CTNND2: variants seen among roughly 807,000 people sequenced by gnomAD.
The protein encoded by CTNND2 is catenin delta-2.
In CTNND2, 22 loss-of-function variants were observed where a neutral mutation model predicts 144.4. That is an observed-to-expected ratio of 0.15 (90% CI 0.11 to 0.22). CTNND2 has a LOEUF of 0.22. Ranked by LOEUF, CTNND2 falls within the 10% of genes least tolerant of loss-of-function variation. CTNND2 has a pLI of 1.00. For missense variants in CTNND2, 1,353 were observed against 1,618.8 expected (o/e 0.84, Z 2.82); for synonymous variants, 751 against 695.6 (o/e 1.08, Z -1.25).
intron 8 of CTNND2, among the ~76,000 whole-genome samples, chr5:11,360,751 G>A (rs781229753): frequency 1.1e-4 from 17 of 152,098 alleles, no homozygotes; most frequent in African/African-American, 3.6e-4. Context: ...TTCCAATACC[G>A]GTTAATTTTT....
At chr5:11,828,140 A>G (rs1793695571) in intron 1 of CTNND2, among the ~76,000 whole-genome samples, 1 of 152,160 alleles carries the variant, frequency 6.6e-6, no homozygotes, top group South Asian at 2.1e-4. Context: ...TTGTGGGAGG[A>G]ACCCAGTGGG....
At chr5:11,888,353 T>C (rs896995477) in intron 1 of CTNND2, among the ~76,000 whole-genome samples, 3 of 152,316 alleles carry the variant, frequency 2.0e-5, no homozygotes, top group Admixed American at 6.5e-5. Context: ...AGAGAGTGAC[T>C]GCGTGCACCC....
At chr5:11,508,165 A>G (rs1428336260) in intron 3 of CTNND2, among the ~76,000 whole-genome samples, 1 of 152,232 alleles carries the variant, frequency 6.6e-6, no homozygotes, top group African/African-American at 2.4e-5. Flanking sequence ...GAAACAATTC[A>G]GCTACTGTAA....
chr5:11,796,385 T>G (rs1368460157), intron 1 of CTNND2, among the ~76,000 whole-genome samples: 1 of 152,246 alleles, frequency 6.6e-6, no homozygotes, highest in African/African-American at 2.4e-5. Flanking sequence ...ACTTTTGCAC[T>G]ATTCTCTTCT....
chr5:11,367,496 C>G (rs1479856856), intron 7 of CTNND2, among the ~76,000 whole-genome samples: 2 of 152,156 alleles, frequency 1.3e-5, no homozygotes, highest in Non-Finnish European at 2.9e-5. Context: ...TTTGCTGATT[C>G]AAATTAAATG....
At chr5:11,005,321 C>T (rs1441714567) in intron 18 of CTNND2, among the ~76,000 whole-genome samples, 1 of 152,172 alleles carries the variant, frequency 6.6e-6, no homozygotes, top group Non-Finnish European at 1.5e-5. Flanking sequence ...GGGAGGTGAG[C>T]AGGACTTTGT....
At chr5:11,722,713 T>A (rs961177885) in intron 2 of CTNND2, among the ~76,000 whole-genome samples, 10 of 152,144 alleles carry the variant, frequency 6.6e-5, no homozygotes, top group African/African-American at 2.4e-4. Flanking sequence ...TTGTGAGAAC[T>A]CACTCACTAT....
chr5:11,857,783 C>T lies in CTNND2; in HGVS notation c.37+46034G>A, dbSNP rs187238425. Among the ~76,000 whole-genome samples, 3 of 152,280 alleles carry T rather than the reference C, an allele frequency of 2.0e-5. No homozygotes were observed. In the East Asian group the frequency reaches 5.8e-4, roughly 29 times the overall value. ...ATAAGGGAAATGATGCCTCTCTGCT[C>T]TACAATGTGTTTTGTGATCGTGCAT... On this transcript the variant is annotated intron_variant, in intron 1 of 21. Transcript: ENST00000304623.
intron 3 of CTNND2, among the ~76,000 whole-genome samples, chr5:11,446,474 A>G (rs1490471484): frequency 6.6e-6 from 1 of 152,222 alleles, no homozygotes; most frequent in East Asian, 1.9e-4. Context: ...TCTAAGAGCC[A>G]GCCTATGATT....
At chr5:10,990,198 G>C (rs1464767172) in intron 19 of CTNND2, among the ~76,000 whole-genome samples, 1 of 152,210 alleles carries the variant, frequency 6.6e-6, no homozygotes, top group Non-Finnish European at 1.5e-5. Context: ...CCCAGGCTCT[G>C]CTGTGAGGGA....
rs376417707 is a variant in CTNND2 at position 11,703,285 on chromosome 5, T to C, written c.174+28851A>G. Among the ~76,000 whole-genome samples the C allele has an allele frequency of 5.1e-4, 77 of 152,356 alleles. 1 individual carries two copies. In the South Asian group the frequency reaches 0.015, roughly 29 times the overall value. On this transcript the variant is annotated intron_variant, in intron 2 of 21. Transcript: ENST00000304623. ...GAAACATACATCCAGTTTACAGATA[T>C]ATGTTTATATATGCTATCAGGAGAT...
intron 21 of CTNND2, among the ~76,000 whole-genome samples, chr5:10,981,148 G>A (rs1227107902): frequency 1.3e-5 from 2 of 152,180 alleles, no homozygotes; most frequent in Non-Finnish European, 2.9e-5. Flanking sequence ...CTGTGCTGCA[G>A]AAAATCTTGG....
chr5:11,839,634 CT>C (rs1482438966), intron 1 of CTNND2, among the ~76,000 whole-genome samples: 1 of 152,022 alleles, frequency 6.6e-6, no homozygotes, highest in Non-Finnish European at 1.5e-5. Context: ...AGAGGGACAC[CT>C]TGGGCGCCTC....
intron 3 of CTNND2, among the ~76,000 whole-genome samples, chr5:11,469,660 T>C (rs562664044): frequency 6.6e-6 from 1 of 152,324 alleles, no homozygotes; most frequent in East Asian, 1.9e-4. Flanking sequence ...CTCAGAAAAT[T>C]CTCCACCCTT....
At chr5:11,124,683 C>T (rs1253445969) in intron 12 of CTNND2, among the ~76,000 whole-genome samples, 2 of 152,114 alleles carry the variant, frequency 1.3e-5, no homozygotes, top group African/African-American at 2.4e-5. Context: ...CATACAGAAA[C>T]GGGTCACTGG....
intron 1 of CTNND2, among the ~76,000 whole-genome samples, chr5:11,831,442 G>A (rs1014338425): frequency 6.6e-6 from 1 of 152,070 alleles, no homozygotes; most frequent in African/African-American, 2.4e-5. Flanking sequence ...GCTGAGCCGG[G>A]TAGATCACGA....
chr5:11,201,507 C>T (rs956610878), intron 10 of CTNND2, among the ~76,000 whole-genome samples: 8 of 152,238 alleles, frequency 5.3e-5, no homozygotes, highest in African/African-American at 1.4e-4. Flanking sequence ...TTCATTCATA[C>T]AGGGTGGCCT....
intron 9 of CTNND2, among the ~76,000 whole-genome samples, chr5:11,257,064 A>G (rs1033887885): frequency 2.0e-5 from 3 of 152,242 alleles, no homozygotes; most frequent in Admixed American, 6.5e-5. Context: ...AGCAAGAGAA[A>G]GGTCACAGGA....
At chr5:11,584,809 G>A (rs1477075958) in intron 2 of CTNND2, among the ~76,000 whole-genome samples, 1 of 152,048 alleles carries the variant, frequency 6.6e-6, no homozygotes, top group Non-Finnish European at 1.5e-5. Context: ...CTAAAGATAC[G>A]TTTTGTTTTT....
Sources: allele counts gnomAD v4.1 joint callset (sites outside exome capture counted in the v4.1 genomes callset), GRCh38; gene constraint gnomAD v4.1.1; transcripts MANE v1.5; gene names NCBI Gene and HGNC (gene_info 2026-07-23, HGNC 2026-07-21).